MPRIP: variants seen among roughly 807,000 people sequenced by gnomAD.
MPRIP encodes myosin phosphatase Rho interacting protein, also known as myosin phosphatase Rho-interacting protein.
MPRIP carries 59 observed loss-of-function variants against 234.9 expected under a neutral mutation model. The ratio of observed to expected loss-of-function variants is 0.25; its 90% confidence interval spans 0.20 to 0.31. MPRIP has a LOEUF of 0.31. MPRIP is among the 10% of genes least tolerant of loss of function. MPRIP has a pLI of 1.00. For missense variants in MPRIP, 2,436 were observed against 3,071.0 expected (o/e 0.79, Z 4.89); for synonymous variants, 1,144 against 1,263.9 (o/e 0.91, Z 2.01).
chr17:17,179,966 A>T, intron 22 of MPRIP, 37 bp from the exon 23 acceptor site: 1 of 1,526,308 alleles, frequency 6.6e-7, no homozygotes, highest in African/African-American at 1.4e-5. Context: ...TAGAAAGCAA[A>T]GGTAACAGGT....
chr17:17,120,376 A>G (rs2090366060), intron 3 of MPRIP, among the ~76,000 whole-genome samples: 1 of 152,106 alleles, frequency 6.6e-6, no homozygotes. Context: ...TAGCAGTATT[A>G]TCCTAACCCA....
At chr17:17,156,485 G>T (rs1232220427) in intron 13 of MPRIP, among the ~76,000 whole-genome samples, 1 of 152,224 alleles carries the variant, frequency 6.6e-6, no homozygotes, top group Non-Finnish European at 1.5e-5. Context: ...TTTTAGTGCT[G>T]CCAGGCAAAA....
At chr17:17,115,685 C>G (rs2090271606) in intron 3 of MPRIP, among the ~76,000 whole-genome samples, 1 of 152,218 alleles carries the variant, frequency 6.6e-6, no homozygotes, top group African/African-American at 2.4e-5. Context: ...ACCGCCACTC[C>G]TCCCCTCCTG....
At chr17:17,063,938 T>C (rs978598432) in intron 1 of MPRIP, among the ~76,000 whole-genome samples, 2 of 152,060 alleles carry the variant, frequency 1.3e-5, no homozygotes, top group Non-Finnish European at 2.9e-5. Context: ...CAACCCAGAG[T>C]TGAGACAGCT....
intron 15 of MPRIP, 35 bp from the exon 16 acceptor site, chr17:17,164,074 G>A (rs2045928308): frequency 7.7e-6 from 10 of 1,291,892 alleles, no homozygotes; most frequent in African/African-American, 1.5e-5. Context: ...GGAGGCCCGA[G>A]TGTTACTAAC....
In MPRIP at chr17:17,175,454, C is replaced by T. The variant is rs373733516; in HGVS notation, c.6870+42C>T. 4 of 1,540,798 alleles carry T rather than the reference C, an allele frequency of 2.6e-6. No homozygotes were observed. The African/African-American group carries it at 5.5e-5, about 21-fold the overall frequency. The stretch of plus-strand genomic sequence containing the variant: ...GGCCCTGCCTGACTCAGCTCTGCAC[C>T]CAGGAACCCCAGGGGAGTGCAGCAT... On this transcript the variant is annotated intron_variant, in intron 20 of 23. Coordinates refer to ENST00000651222, the MANE Select transcript of MPRIP (RefSeq NM_001364716.4).
intron 1 of MPRIP, among the ~76,000 whole-genome samples, chr17:17,047,499 A>C (rs1259957898): frequency 1.3e-5 from 2 of 152,126 alleles, no homozygotes; most frequent in African/African-American, 4.8e-5. Context: ...TTAGCTTTTT[A>C]ATCTATCAGA....
chr17:17,113,880 CTTTTCTTT>C (rs1444214016), intron 3 of MPRIP, among the ~76,000 whole-genome samples: 17 of 93,228 alleles, frequency 1.8e-4, no homozygotes, highest in African/African-American at 8.4e-4. Context: ...CTTTTCTTTT[CTTTTCTTT>C]TTTTTTTTTT....
At chr17:17,063,979 C>T (rs1250572092) in intron 1 of MPRIP, among the ~76,000 whole-genome samples, 4 of 152,060 alleles carry the variant, frequency 2.6e-5, no homozygotes, top group African/African-American at 9.7e-5. Context: ...CCCAGATTTG[C>T]CTGGGGAGGG....
intron 3 of MPRIP, among the ~76,000 whole-genome samples, chr17:17,120,798 T>A (rs754227196): frequency 1.3e-5 from 2 of 152,150 alleles, no homozygotes; most frequent in Non-Finnish European, 2.9e-5. Flanking sequence ...CTCATCAGAG[T>A]TGCTTTGCTG....
chr17:17,049,887 G>A (rs959275068), intron 1 of MPRIP, among the ~76,000 whole-genome samples: 1 of 152,198 alleles, frequency 6.6e-6, no homozygotes, highest in Non-Finnish European at 1.5e-5. Flanking sequence ...CAGCGGCTAC[G>A]TTAAAAAAGT....
chr17:17,185,771 A>G lies in MPRIP; in HGVS notation c.*877A>G, dbSNP rs1190403841. 1 of 344,914 alleles carries G rather than the reference A, an allele frequency of 2.9e-6. No homozygotes were observed. Among genetic ancestry groups the G allele is most frequent in the Admixed American group, 4.1e-5 (1 of 24,352 alleles). 21.4% of individuals were successfully genotyped at this position (344,914 alleles called of 1,614,324 possible). On this transcript the variant is annotated 3_prime_UTR_variant, in exon 24 of 24. Transcript: ENST00000651222. Reference sequence around the variant, plus strand: ...TTTGGGTTTTTTTTTTACCTTTTGGAAAAGAAACCGTCACATTGCTTTGGA... The same window carrying G: ...TTTGGGTTTTTTTTTTACCTTTTGGGAAAGAAACCGTCACATTGCTTTGGA...
In MPRIP at chr17:17,083,741, T is replaced by TTTTG. The variant is rs199740177; in HGVS notation, c.267+5681_267+5684dup. Among the ~76,000 whole-genome samples, 28 of 152,046 alleles carry TTTTG rather than the reference T, an allele frequency of 1.8e-4. 1 individual carries two copies. In the East Asian group the frequency reaches 4.3e-3, roughly 23 times the overall value. ...TGTGTTTTTTTGTTGTTGTTTTTGT[T>TTTTG]TTTGTTTGTTTGTTTGTTTTTGAGA... On this transcript the variant is annotated intron_variant, in intron 3 of 23. Transcript: ENST00000651222.
At chr17:17,139,413 G>A (rs1025052362) in intron 7 of MPRIP, among the ~76,000 whole-genome samples, 2 of 152,216 alleles carry the variant, frequency 1.3e-5, no homozygotes, top group South Asian at 4.1e-4. Context: ...CCAGAAGAGA[G>A]TTAGGGTTAG....
chr17:17,160,736 G>T (rs2045844342), intron 14 of MPRIP, among the ~76,000 whole-genome samples: 1 of 152,214 alleles, frequency 6.6e-6, no homozygotes, highest in African/African-American at 2.4e-5. Flanking sequence ...AGTGGGCCCT[G>T]GAGTGAGGCC....
chr17:17,181,154 C>T (rs889740472), intron 23 of MPRIP, among the ~76,000 whole-genome samples: 1 of 151,912 alleles, frequency 6.6e-6, no homozygotes, highest in Non-Finnish European at 1.5e-5. Context: ...TTCAGAAGAG[C>T]GTGATAACTA....
At chr17:17,156,682 G>T (rs2045737249) in intron 13 of MPRIP, among the ~76,000 whole-genome samples, 1 of 152,202 alleles carries the variant, frequency 6.6e-6, no homozygotes, top group South Asian at 2.1e-4. Context: ...TGACTTTGGC[G>T]GCTGTCAGGG....
chr17:17,172,037 C>CT (rs1484296521), intron 17 of MPRIP, among the ~76,000 whole-genome samples, 172 bp downstream of exon 17: 1 of 152,232 alleles, frequency 6.6e-6, no homozygotes. Context: ...TTTTAGGTCC[C>CT]TTTTGAGAGC....
intron 16 of MPRIP, 151 bp from the exon 17 acceptor site, chr17:17,171,567 C>T (rs1442531325): frequency 1.1e-6 from 1 of 913,016 alleles, no homozygotes; most frequent in Non-Finnish European, 1.7e-6. Context: ...CCCAGGGATC[C>T]TGTTCAGGGC....
Sources: allele counts gnomAD v4.1 joint callset (sites outside exome capture counted in the v4.1 genomes callset), GRCh38; gene constraint gnomAD v4.1.1; transcripts MANE v1.5; gene names NCBI Gene and HGNC (gene_info 2026-07-23, HGNC 2026-07-21).